The following ELL variants were observed in gnomAD, a reference collection of about 807,000 sequenced individuals.
ELL encodes elongation factor for RNA polymerase II.
Under a neutral mutation model 64.0 loss-of-function variants are expected in ELL, and 18 were observed. The ratio of observed to expected loss-of-function variants is 0.28; its 90% confidence interval spans 0.19 to 0.42. The LOEUF (loss-of-function observed/expected upper bound fraction) is 0.42. Ranked by LOEUF, ELL falls within the 10% of genes least tolerant of loss-of-function variation. The pLI, the probability that ELL is intolerant of heterozygous loss-of-function variation, is 1.00. For missense variants in ELL, 797 were observed against 870.4 expected (o/e 0.92, Z 1.06); for synonymous variants, 399 against 376.2 (o/e 1.06, Z -0.70).
In ELL at chr19:18,461,803, C is replaced by A. The variant is rs781338987; in HGVS notation, c.519G>T (p.Val173=). Reference sequence around the variant, plus strand: ...TGGGGGTTGCCCGCTTCCGGGAGGGCACCGCGTCTGTTGCACCTGGGGCTG... The same window carrying A: ...TGGGGGTTGCCCGCTTCCGGGAGGGAACCGCGTCTGTTGCACCTGGGGCTG... The part of the protein sequence containing the change: ...RKPAPGATDA[V]PSRKRATPIN... Residue 173 remains valine, a synonymous_variant, in exon 5 of 12, where the codon GTG becomes GTT. Transcript: ENST00000262809. 1.2e-6 allele frequency: 2 copies of A among 1,614,076 alleles called. No homozygotes were observed. The highest frequency in any genetic ancestry group is 3.3e-5 in the Admixed American group (2 of 60,034).
chr19:18,520,608 A>G (rs1330627696), intron 1 of ELL, among the ~76,000 whole-genome samples: 1 of 152,060 alleles, frequency 6.6e-6, no homozygotes, highest in Admixed American at 6.6e-5. Flanking sequence ...GAAACGAAAC[A>G]GGGGGAAGAA....
Position 18,501,324 on chromosome 19 carries a change from G to A in ELL, c.135+20597C>T, listed in dbSNP as rs1026488723. ...CAGACCCGGATGAGAGCAATACTGT[G>A]TGTGCCCAGCACCAACACCAAATTA... On this transcript the variant is annotated intron_variant, in intron 1 of 11. Coordinates refer to ENST00000262809, the MANE Select transcript of ELL (RefSeq NM_006532.4). This position sits in a 1 kb window ranked among gnomAD's most constrained non-coding sequence, Gnocchi z 4.5. Among the ~76,000 whole-genome samples, 3 of 152,114 alleles carry A rather than the reference G, an allele frequency of 2.0e-5. No individual in the cohort carries two copies. The highest frequency in any genetic ancestry group is 4.4e-5 in the Non-Finnish European group (3 of 68,026).
At position 18,450,465 on chromosome 19, in the gene ELL, CT is replaced by C. The variant is rs1218708453; in HGVS notation, c.1465+11del. The C allele has an allele frequency of 2.5e-6, 4 of 1,610,276 alleles. No individual in the cohort carries two copies. The highest frequency in any genetic ancestry group is 3.4e-6 in the Non-Finnish European group (4 of 1,178,216). ...TAGAGCCCCGGCAACGCCCTCCTGCCTGGGCACCTACCTGGGGTGTCTGCTG... is the reference window on the plus strand; with the variant it reads ...TAGAGCCCCGGCAACGCCCTCCTGCCGGGCACCTACCTGGGGTGTCTGCTG... On this transcript the variant is annotated intron_variant, in intron 8 of 11. Coordinates refer to ENST00000262809, the MANE Select transcript of ELL (RefSeq NM_006532.4).
chr19:18,512,566 G>A (rs1378859222), intron 1 of ELL, among the ~76,000 whole-genome samples: 2 of 152,186 alleles, frequency 1.3e-5, no homozygotes, highest in African/African-American at 4.8e-5. Flanking sequence ...TTGAGCCTGG[G>A]AGGCAGAGGT....
chr19:18,518,866 C>T (rs562180495), intron 1 of ELL, among the ~76,000 whole-genome samples: 9 of 151,948 alleles, frequency 5.9e-5, no homozygotes, highest in Non-Finnish European at 1.0e-4. Flanking sequence ...TGTACTGCTG[C>T]GCCTTTACCT....
At chr19:18,451,512 C>A in intron 7 of ELL, 40 bp downstream of exon 7, 2 of 1,424,958 alleles carry the variant, frequency 1.4e-6, no homozygotes, top group Admixed American at 2.8e-5. Flanking sequence ...GAGTGCCCTG[C>A]AGGTGCTTGG....
rs75520598 is a variant in ELL, at chr19:18,516,109, C to T, written c.135+5812G>A. ...TGCCCACCGGGAAGGGAAGATAAGT[C>T]GGGCCTCTGGGGCCCTGCTGTGAGA... On this transcript the variant is annotated intron_variant, in intron 1 of 11. Coordinates refer to ENST00000262809, the MANE Select transcript of ELL (RefSeq NM_006532.4). Among the ~76,000 whole-genome samples, 651 of 152,228 alleles carry T rather than the reference C, an allele frequency of 4.3e-3. 1 individual carries two copies. Among genetic ancestry groups the T allele is most frequent in the African/African-American group, 0.015 (629 of 41,534 alleles).
At position 18,454,840 on chromosome 19, in the gene ELL, C is replaced by CA. The variant is rs563546343; in HGVS notation, c.870-3193dup. ...TGGGCAACAGAGTGAGACTCAGTCT[C>CA]AAAAAAAAAAAAAAAAAAGGCATCC... On this transcript the variant is annotated intron_variant, in intron 6 of 11. Coordinates refer to ENST00000262809, the MANE Select transcript of ELL (RefSeq NM_006532.4). Among the ~76,000 whole-genome samples the CA allele has an allele frequency of 7.2e-3, 406 of 56,386 alleles. 24 individuals are homozygous for CA. The East Asian group carries it at 0.083, about 12-fold the overall frequency. The allele number at this position is 56,386 out of a possible 152,430, so 37.0% of individuals were successfully genotyped here. A position where few individuals can be genotyped will look rare whatever the true frequency, so the allele number is the denominator to read the frequency against.
intron 1 of ELL, among the ~76,000 whole-genome samples, chr19:18,480,935 G>A (rs7254249): frequency 0.47 from 70,779 of 152,080 alleles, 19,073 homozygotes; most frequent in African/African-American, 0.76. Flanking sequence ...CACCCAGCCC[G>A]CAGCAGATAT....
chr19:18,483,171 G>C (rs1191771488), intron 1 of ELL, among the ~76,000 whole-genome samples: 1 of 152,098 alleles, frequency 6.6e-6, no homozygotes, highest in Non-Finnish European at 1.5e-5. Context: ...GCAGCTCTGG[G>C]TAACTCCTGC....
intron 1 of ELL, among the ~76,000 whole-genome samples, chr19:18,493,409 T>C (rs1238833917): frequency 6.6e-6 from 1 of 152,346 alleles, no homozygotes; most frequent in East Asian, 1.9e-4. Context: ...AAGCCAGGGC[T>C]GTGCTGTCAC....
At chr19:18,491,824 GGA>G (rs771489198) in intron 1 of ELL, among the ~76,000 whole-genome samples, 3 of 152,178 alleles carry the variant, frequency 2.0e-5, no homozygotes, top group Non-Finnish European at 2.9e-5. Context: ...GACTGAGGCA[GGA>G]GGATTGCTTG....
At chr19:18,451,420 CGGAG>C (rs1364719024) in intron 7 of ELL, 128 bp downstream of exon 7, 2 of 845,962 alleles carry the variant, frequency 2.4e-6, no homozygotes, top group East Asian at 6.6e-5. Flanking sequence ...GGTCCCTGGG[CGGAG>C]GGAGGCGGCT....
At chr19:18,519,282 T>C (rs1236961193) in intron 1 of ELL, among the ~76,000 whole-genome samples, 6 of 151,128 alleles carry the variant, frequency 4.0e-5, no homozygotes, top group Non-Finnish European at 8.8e-5. Context: ...CAAGTTGCAA[T>C]TGGCAAACTA....
chr19:18,446,921 G>T, intron 8 of ELL, 107 bp from the exon 9 acceptor site: 1 of 1,170,456 alleles, frequency 8.5e-7, no homozygotes, highest in Non-Finnish European at 1.3e-6. Flanking sequence ...TGCTGCTGGA[G>T]GGACATAGAG....
intron 1 of ELL, among the ~76,000 whole-genome samples, chr19:18,481,231 T>C (rs1975293596): frequency 6.6e-6 from 1 of 152,176 alleles, no homozygotes; most frequent in Non-Finnish European, 1.5e-5. Context: ...TGGAATCACA[T>C]AAGATGAGTT....
At chr19:18,456,696 G>A (rs557548790) in intron 6 of ELL, among the ~76,000 whole-genome samples, 57 of 152,206 alleles carry the variant, frequency 3.7e-4, no homozygotes, top group African/African-American at 1.4e-3. Context: ...GGGACAGATC[G>A]GGTTTGGACA....
At chr19:18,451,522 G>C (rs763630934) in intron 7 of ELL, 30 bp downstream of exon 7, 2 of 1,457,924 alleles carry the variant, frequency 1.4e-6, no homozygotes, top group South Asian at 1.3e-5. Context: ...CAGGTGCTTG[G>C]GACAGTCACC....
chr19:18,483,511 C>T (rs551620948), intron 1 of ELL, among the ~76,000 whole-genome samples: 11 of 152,292 alleles, frequency 7.2e-5, no homozygotes, highest in East Asian at 5.8e-4. Context: ...GTACCACAGA[C>T]GGCCAGCCTC....
Sources: gnomAD v4.1 joint callset for allele counts (sites outside exome capture counted in the v4.1 genomes callset) on GRCh38, gnomAD v4.1.1 for gene constraint, Gnocchi (gnomAD v3.1) non-coding constraint, MANE v1.5 for transcripts, NCBI Gene and HGNC (gene_info 2026-07-23, HGNC 2026-07-21) for gene names.